Variants in DTWD2 observed in about 807,000 individuals in gnomAD.
DTWD2 encodes the protein DTW motif tRNA-uridine aminocarboxypropyltransferase 2, also known as tRNA-uridine aminocarboxypropyltransferase 2.
Under a neutral mutation model 31.8 loss-of-function variants are expected in DTWD2, and 39 were observed. The observed-to-expected ratio is 1.22, with a 90% CI of 0.95 to 1.60. The LOEUF (loss-of-function observed/expected upper bound fraction) is 1.60. Among genes scored for constraint, DTWD2 ranks in the 40% most tolerant of loss-of-function variants. The pLI, the probability that DTWD2 is intolerant of heterozygous loss-of-function variation, is 0.00. For missense variants in DTWD2, 515 were observed against 381.5 expected (o/e 1.35, Z -2.92); for synonymous variants, 180 against 142.8 (o/e 1.26, Z -1.86).
intron 2 of DTWD2, among the ~76,000 whole-genome samples, chr5:118,942,506 T>G (rs1754229125): frequency 6.6e-6 from 1 of 151,176 alleles, no homozygotes; most frequent in Non-Finnish European, 1.5e-5. Context: ...AAATAAGGTA[T>G]TTGAAAACAT....
At chr5:118,891,708 T>C (rs927162006) in intron 4 of DTWD2, among the ~76,000 whole-genome samples, 1 of 152,212 alleles carries the variant, frequency 6.6e-6, no homozygotes, top group African/African-American at 2.4e-5. Flanking sequence ...AACACAGTCA[T>C]ACACAGTCTA....
At chr5:118,914,540 G>A (rs1268152773) in intron 4 of DTWD2, among the ~76,000 whole-genome samples, 1 of 151,872 alleles carries the variant, frequency 6.6e-6, no homozygotes, top group African/African-American at 2.4e-5. Context: ...CTTGACTACA[G>A]TAAATATAAT....
chr5:118,892,477 T>A (rs896324683), intron 4 of DTWD2, among the ~76,000 whole-genome samples: 12 of 152,188 alleles, frequency 7.9e-5, no homozygotes, highest in Non-Finnish European at 1.6e-4. Context: ...TTGTTCTACA[T>A]CTTTACTGAG....
chr5:118,885,155 A>G (rs1053552376), intron 4 of DTWD2, among the ~76,000 whole-genome samples: 8 of 146,398 alleles, frequency 5.5e-5, no homozygotes, highest in African/African-American at 1.7e-4. Context: ...CAAAAAATTA[A>G]AAAAAAAAAA....
At chr5:118,875,851 T>A (rs1167308144) in intron 4 of DTWD2, among the ~76,000 whole-genome samples, 1 of 152,118 alleles carries the variant, frequency 6.6e-6, no homozygotes, top group Non-Finnish European at 1.5e-5. Context: ...CAGCACTGGA[T>A]CGAACGGACC....
At chr5:118,891,713 A>G (rs1752981243) in intron 4 of DTWD2, among the ~76,000 whole-genome samples, 1 of 152,246 alleles carries the variant, frequency 6.6e-6, no homozygotes, top group African/African-American at 2.4e-5. Context: ...AGTCATACAC[A>G]GTCTATAAGA....
chr5:118,907,817 T>G (rs1753368590), intron 4 of DTWD2, among the ~76,000 whole-genome samples: 1 of 152,066 alleles, frequency 6.6e-6, no homozygotes, highest in South Asian at 2.1e-4. Flanking sequence ...CTTCTCTTAC[T>G]CAGGGGAGGG....
chr5:118,870,323 T>C (rs568139262), intron 4 of DTWD2, among the ~76,000 whole-genome samples: 37 of 152,182 alleles, frequency 2.4e-4, no homozygotes, highest in Non-Finnish European at 5.1e-4. Context: ...TACATCAGAA[T>C]AGCTGAATAA....
intron 1 of DTWD2, among the ~76,000 whole-genome samples, chr5:118,985,014 T>C (rs1466536273): frequency 6.6e-6 from 1 of 152,078 alleles, no homozygotes; most frequent in Admixed American, 6.6e-5. Context: ...AATATAAAAA[T>C]ATTACAGTGG....
chr5:118,856,579 A>T (rs1752138606), intron 4 of DTWD2, among the ~76,000 whole-genome samples: 1 of 152,160 alleles, frequency 6.6e-6, no homozygotes, highest in African/African-American at 2.4e-5. Context: ...CTGCGTTCCA[A>T]AGTAGTTACA....
At chr5:118,878,004 A>G (rs1202823367) in intron 4 of DTWD2, among the ~76,000 whole-genome samples, 1 of 152,184 alleles carries the variant, frequency 6.6e-6, no homozygotes, top group African/African-American at 2.4e-5. Flanking sequence ...AAAGATCTCT[A>G]CAAGGAGAAC....
Position 118,879,829 on chromosome 5 carries a change from G to C in DTWD2, c.598-31611C>G, listed in dbSNP as rs114814058. 6.2e-3 allele frequency among the ~76,000 whole-genome samples: 950 copies of C among 152,074 alleles called. 18 individuals carry two copies. Among genetic ancestry groups the C allele is most frequent in the African/African-American group, 0.022 (899 of 41,458 alleles). ...GGGTAGAGAGTGGGAGGAGGGAGAA[G>C]ATCAGGAAAAATAACTAATGAATAC... On this transcript the variant is annotated intron_variant, in intron 4 of 5. Coordinates refer to ENST00000510708, the MANE Select transcript of DTWD2 (RefSeq NM_173666.4).
At chr5:118,896,095 A>C (rs1010192660) in intron 4 of DTWD2, among the ~76,000 whole-genome samples, 4 of 152,222 alleles carry the variant, frequency 2.6e-5, no homozygotes, top group Non-Finnish European at 5.9e-5. Flanking sequence ...GAACATACTC[A>C]AATGTAAAAT....
At chr5:118,865,090 C>T (rs923610437) in intron 4 of DTWD2, among the ~76,000 whole-genome samples, 2 of 152,130 alleles carry the variant, frequency 1.3e-5, no homozygotes, top group African/African-American at 4.8e-5. Flanking sequence ...TAATTATTTA[C>T]TTCATAACCT....
intron 4 of DTWD2, among the ~76,000 whole-genome samples, chr5:118,885,936 G>A (rs1003196843): frequency 5.3e-5 from 8 of 152,066 alleles, no homozygotes; most frequent in African/African-American, 1.7e-4. Context: ...CTACACCCCA[G>A]CCTAGGTAAC....
intron 3 of DTWD2, among the ~76,000 whole-genome samples, chr5:118,930,098 C>A (rs552503884): frequency 6.6e-6 from 1 of 152,266 alleles, no homozygotes; most frequent in South Asian, 2.1e-4. Context: ...TCATAAGACT[C>A]CCTTACACGT....
rs1752040859 is a variant in DTWD2, at chr5:118,852,774, C to T, written c.598-4556G>A. 2.6e-5 allele frequency among the ~76,000 whole-genome samples: 4 copies of T among 151,964 alleles called. No homozygotes were observed. The South Asian group carries it at 8.3e-4, about 32-fold the overall frequency. On this transcript the variant is annotated intron_variant, in intron 4 of 5. Coordinates refer to ENST00000510708, the MANE Select transcript of DTWD2 (RefSeq NM_173666.4). Reference sequence around the variant, plus strand: ...TTGTTCTATCATAATGACACAGGTACTTGTATGTTGACTGCAGCACTATTC... The same window carrying T: ...TTGTTCTATCATAATGACACAGGTATTTGTATGTTGACTGCAGCACTATTC...
At chr5:118,963,451 G>A (rs951281458) in intron 1 of DTWD2, among the ~76,000 whole-genome samples, 1 of 152,224 alleles carries the variant, frequency 6.6e-6, no homozygotes, top group Non-Finnish European at 1.5e-5. Flanking sequence ...TATGGAGGAG[G>A]AAGAGATGAG....
At chr5:118,911,230 C>T (rs566207458) in intron 4 of DTWD2, among the ~76,000 whole-genome samples, 13 of 151,896 alleles carry the variant, frequency 8.6e-5, no homozygotes, top group African/African-American at 2.4e-4. Flanking sequence ...CTGGAGCACC[C>T]GAAAAGAAGA....
Sources: allele counts gnomAD v4.1 joint callset (sites outside exome capture counted in the v4.1 genomes callset), GRCh38; gene constraint gnomAD v4.1.1; transcripts MANE v1.5; gene names NCBI Gene and HGNC (gene_info 2026-07-23, HGNC 2026-07-21).